The following TNFRSF1A variants were observed in gnomAD, a reference collection of about 807,000 sequenced individuals.
The protein encoded by TNFRSF1A is TNF receptor superfamily member 1A, also known as tumor necrosis factor receptor superfamily member 1A.
Under a neutral mutation model 41.6 loss-of-function variants are expected in TNFRSF1A, and 9 were observed. The observed-to-expected ratio is 0.22, with a 90% CI of 0.13 to 0.38. The LOEUF (loss-of-function observed/expected upper bound fraction) is 0.38. Among genes scored for constraint, TNFRSF1A ranks in the 10% least tolerant of loss-of-function variants. TNFRSF1A has a pLI of 1.00. For synonymous variants in TNFRSF1A, 254 were observed against 248.6 expected (o/e 1.02, Z -0.21); for missense variants, 463 against 591.5 (o/e 0.78, Z 2.25).
rs749963740 is a variant in TNFRSF1A, at chr12:6,333,941, G to T, written c.194-76C>A. 5.6e-6 allele frequency: 9 copies of T among 1,605,572 alleles called. No homozygotes were observed. Among genetic ancestry groups the T allele is most frequent in the African/African-American group, 1.3e-5 (1 of 74,830 alleles). On this transcript the variant is annotated intron_variant, in intron 2 of 9. Transcript: ENST00000162749. The surrounding 1 kb of genome is among the most constrained non-coding windows in gnomAD (Gnocchi z 6.3). ...GCCCCATGCTAGGGACAACAGCCAG[G>T]GCCGATTCCCTGAAGTCTCTAGGAG... is the stretch of plus-strand genomic sequence containing the variant.
Position 6,329,551 on chromosome 12 carries a change from G to C in TNFRSF1A, c.1129C>G (p.Arg377Gly). Residue 377 changes from arginine (R) to glycine (G), a missense_variant, in exon 10 of 10, where the codon CGC becomes GGC. Around this residue, in one of 4 missense-constraint regions of TNFRSF1A, gnomAD observed 277 missense variants for 288.8 expected, o/e 0.96. Transcript: ENST00000162749. ...PPLRWKEFVR[R>G]LGLSDHEIDR... ...ATCTCGTGGTCGCTCAGCCCTAGGC[G>C]CCGCACGAATTCCTTCCAGCGCAAC... is the stretch of plus-strand genomic sequence containing the variant. 1 of 1,591,732 alleles carries C rather than the reference G, an allele frequency of 6.3e-7. No individual in the cohort carries two copies. The highest frequency in any genetic ancestry group is 2.2e-5 in the East Asian group (1 of 44,466).
Position 6,329,808 on chromosome 12 carries a change from C to A in TNFRSF1A, c.1027G>T (p.Asp343Tyr). The A allele has an allele frequency of 6.2e-7, 1 of 1,602,962 alleles. No individual in the cohort carries two copies. Among genetic ancestry groups the A allele is most frequent in the Non-Finnish European group, 8.5e-7 (1 of 1,176,338 alleles). The change falls in exon 9 of 10, where the codon GAC becomes TAC. Residue 343 changes from aspartate to tyrosine, a missense_variant. Around this residue, in one of 4 missense-constraint regions of TNFRSF1A, gnomAD observed 277 missense variants for 288.8 expected, o/e 0.96. Coordinates refer to ENST00000162749, the MANE Select transcript of TNFRSF1A (RefSeq NM_001065.4). ...AGGCTCTGTGGCTTGTGGGCGCTGTCCTCCCACTTCTGAAGGGGGTTGGGG... is the reference window on the plus strand; with the variant it reads ...AGGCTCTGTGGCTTGTGGGCGCTGTACTCCCACTTCTGAAGGGGGTTGGGG... ...PIPNPLQKWE[D>Y]SAHKPQSLDT...
Position 6,329,974 on chromosome 12 carries a change from G to T in TNFRSF1A, c.861C>A (p.Pro287=). Residue 287 remains proline (P), a synonymous_variant, in exon 9 of 10, where the codon CCC becomes CCA. Transcript: ENST00000162749. ...PGFTPTLGFS[P]VPSSTFTSSS... is the part of the protein sequence containing the mutation. ...TGGAGGTGAAGGTGGAACTGGGCAC[G>T]GGACTGAAGCCCAGGGTGGGGGTGA... The T allele has an allele frequency of 6.3e-7, 1 of 1,587,960 alleles. No homozygotes were observed.
Position 6,333,732 on chromosome 12 carries a change from C to A in TNFRSF1A, c.322+5G>T. On this transcript the variant is annotated splice_donor_5th_base_variant and intron_variant, in intron 3 of 9. Transcript: ENST00000162749. This position sits in a 1 kb window ranked among gnomAD's most constrained non-coding sequence, Gnocchi z 6.3. ...CGCCTGACTCTCCTGCCTGTGCACA[C>A]TCACCCTTTCGGCATTTGGAGCAGC... 6.4e-7 allele frequency: 1 copy of A among 1,568,500 alleles called. No individual in the cohort carries two copies. Among genetic ancestry groups the A allele is most frequent in the Non-Finnish European group, 8.7e-7 (1 of 1,155,430 alleles).
chr12:6,334,325 C>T lies in TNFRSF1A; in HGVS notation c.40-81G>A, dbSNP rs1948091592. 5 of 1,303,806 alleles carry T rather than the reference C, an allele frequency of 3.8e-6. No individual in the cohort carries two copies. Among genetic ancestry groups the T allele is most frequent in the African/African-American group, 2.9e-5 (2 of 68,392 alleles). The allele number at this position is 1,303,806 out of a possible 1,614,324, so 80.8% of individuals were successfully genotyped here. On this transcript the variant is annotated intron_variant, in intron 1 of 9. Transcript: ENST00000162749. The surrounding 1 kb of genome is among the most constrained non-coding windows in gnomAD (Gnocchi z 5.1). ...TAGGGGTAGCAGATCTAAAACTTCC[C>T]TGGCTCAAGTCCTTCCTCAGTGAAA... is the stretch of plus-strand genomic sequence containing the variant.
intron 1 of TNFRSF1A, among the ~76,000 whole-genome samples, chr12:6,336,391 T>C (rs1948120071): frequency 6.6e-6 from 1 of 152,030 alleles, no homozygotes; most frequent in Non-Finnish European, 1.5e-5. Flanking sequence ...GAGAGGGAAC[T>C]AGCAGCTTCC....
At position 6,333,585 on chromosome 12, in the gene TNFRSF1A, C is replaced by T; in HGVS notation, c.323-69G>A. On this transcript the variant is annotated intron_variant, in intron 3 of 9. Transcript: ENST00000162749. The surrounding 1 kb of genome is among the most constrained non-coding windows in gnomAD (Gnocchi z 6.3). ...TCCCTGCATCCCCTTCCTGACATAC[C>T]CCTAAGTGTGTGTCTCTGTAATACA... The T allele has an allele frequency of 1.2e-6, 2 of 1,605,884 alleles. No homozygotes were observed. The highest frequency in any genetic ancestry group is 1.3e-5 in the African/African-American group (1 of 74,820).
intron 1 of TNFRSF1A, among the ~76,000 whole-genome samples, chr12:6,336,271 C>T (rs1173164053): frequency 6.6e-6 from 1 of 152,068 alleles, no homozygotes; most frequent in Admixed American, 6.5e-5. Context: ...CCACGTGTTC[C>T]CTTCTCTTTC....
chr12:6,338,383 C>T (rs978163789), intron 1 of TNFRSF1A, among the ~76,000 whole-genome samples: 1 of 152,112 alleles, frequency 6.6e-6, no homozygotes, highest in Non-Finnish European at 1.5e-5. Flanking sequence ...TGGGTTGCCT[C>T]ACACCTGGGT....
intron 5 of TNFRSF1A, chr12:6,332,058 G>T: frequency 4.0e-6 from 1 of 251,130 alleles, no homozygotes; most frequent in Non-Finnish European, 7.8e-6. Flanking sequence ...TTTTGTGTCA[G>T]ACGTGTTGTA....
At chr12:6,338,936 C>A (rs1393459221) in intron 1 of TNFRSF1A, among the ~76,000 whole-genome samples, 1 of 152,048 alleles carries the variant, frequency 6.6e-6, no homozygotes, top group Non-Finnish European at 1.5e-5. Flanking sequence ...ATCTGAGATG[C>A]CTCACCTCAC....
Position 6,333,404 on chromosome 12 carries a change from A to G in TNFRSF1A, c.435T>C (p.Asn145=), listed in dbSNP as rs760976515. ...YWSENLFQCF[N]CSLCLNGTVH... is the part of the protein sequence containing the mutation. Reference sequence around the variant, plus strand: ...CGGTCCCATTGAGGCAGAGGCTGCAATTGAAGCACTGGAAAAGGTTTTCAC... The same window carrying G: ...CGGTCCCATTGAGGCAGAGGCTGCAGTTGAAGCACTGGAAAAGGTTTTCAC... Residue 145 remains asparagine, a synonymous_variant, in exon 4 of 10, where the codon AAT becomes AAC. Transcript: ENST00000162749. The surrounding 1 kb of genome is among the most constrained non-coding windows in gnomAD (Gnocchi z 6.3). The G allele has an allele frequency of 1.9e-6, 3 of 1,614,020 alleles. No individual in the cohort carries two copies. The highest frequency in any genetic ancestry group is 2.2e-5 in the South Asian group (2 of 91,038).
intron 8 of TNFRSF1A, 68 bp from the exon 9 acceptor site, chr12:6,330,134 C>CTT (rs953438470): frequency 6.2e-7 from 1 of 1,611,160 alleles, no homozygotes; most frequent in African/African-American, 1.3e-5. Flanking sequence ...CTTTATTCTA[C>CTT]GTGGGGGTTG....
rs1298807280 is a variant in TNFRSF1A at position 6,337,174 on chromosome 12, A to ACCACTGCTGGCACCAGCTGGCCC, written c.40-2953_40-2931dup. On this transcript the variant is annotated intron_variant, in intron 1 of 9. Coordinates refer to ENST00000162749, the MANE Select transcript of TNFRSF1A (RefSeq NM_001065.4). This position sits in a 1 kb window ranked among gnomAD's most constrained non-coding sequence, Gnocchi z 4.6. ...GCCCTCAGACTCCCCACCACTGGGC[A>ACCACTGCTGGCACCAGCTGGCCC]CCACTGCTGGCACCAGCTGGCCCCA... is the stretch of plus-strand genomic sequence containing the variant. Among the ~76,000 whole-genome samples the ACCACTGCTGGCACCAGCTGGCCC allele has an allele frequency of 2.0e-5, 3 of 152,190 alleles. No homozygotes were observed. Among genetic ancestry groups the ACCACTGCTGGCACCAGCTGGCCC allele is most frequent in the Non-Finnish European group, 2.9e-5 (2 of 68,028 alleles).
At chr12:6,330,106 A>G in intron 8 of TNFRSF1A, 40 bp from the exon 9 acceptor site, 4 of 1,612,254 alleles carry the variant, frequency 2.5e-6, no homozygotes, top group Non-Finnish European at 3.4e-6. Flanking sequence ...TGCGGCAGCG[A>G]AAACCAGCCC....
chr12:6,332,131 A>G (rs569448912), intron 5 of TNFRSF1A: 1 of 226,150 alleles, frequency 4.4e-6, no homozygotes, highest in East Asian at 1.7e-4. Context: ...CATTATGCTT[A>G]CTTTAAATAT....
chr12:6,339,341 A>G (rs1260540061), intron 1 of TNFRSF1A, among the ~76,000 whole-genome samples: 1 of 152,140 alleles, frequency 6.6e-6, no homozygotes, highest in Non-Finnish European at 1.5e-5. Flanking sequence ...TAATTCCTTC[A>G]GCAAATAGTT....
intron 1 of TNFRSF1A, among the ~76,000 whole-genome samples, chr12:6,339,841 T>TCACACACACACA (rs57599695): frequency 4.4e-5 from 5 of 113,740 alleles, no homozygotes; most frequent in East Asian, 4.4e-4. Flanking sequence ...TCTCTCTCTC[T>TCACACACACACA]CACACACACA....
rs1203810405 is a variant in TNFRSF1A at position 6,341,280 on chromosome 12, G to A, written c.39+496C>T. Among the ~76,000 whole-genome samples the A allele has an allele frequency of 2.0e-5, 3 of 151,748 alleles. No homozygotes were observed. Among genetic ancestry groups the A allele is most frequent in the African/African-American group, 4.8e-5 (2 of 41,280 alleles). On this transcript the variant is annotated intron_variant, in intron 1 of 9. Coordinates refer to ENST00000162749, the MANE Select transcript of TNFRSF1A (RefSeq NM_001065.4). The surrounding 1 kb of genome is among the most constrained non-coding windows in gnomAD (Gnocchi z 4.6). ...AACTCACTCCCCCACTTCACCAGCC[G>A]CCAAAATCCTGCCCTACAGGGTGTG...
Sources: gnomAD v4.1 joint callset for allele counts (sites outside exome capture counted in the v4.1 genomes callset) on GRCh38, gnomAD v4.1.1 for gene constraint, gnomAD v4.1.1 regional missense constraint, Gnocchi (gnomAD v3.1) non-coding constraint, MANE v1.5 for transcripts, NCBI Gene and HGNC (gene_info 2026-07-23, HGNC 2026-07-21) for gene names.